SPAG6: variants seen among roughly 807,000 people sequenced by gnomAD.
SPAG6 encodes the protein sperm-associated antigen 6.
Under a neutral mutation model 58.5 loss-of-function variants are expected in SPAG6, and 49 were observed. The observed-to-expected ratio is 0.84, with a 90% CI of 0.67 to 1.06. The LOEUF (loss-of-function observed/expected upper bound fraction) is 1.06, where lower values mean the gene tolerates loss of function less well. Ranked by LOEUF, SPAG6 falls within the 50% of genes least tolerant of loss-of-function variation. SPAG6 has a pLI of 0.00. For synonymous variants in SPAG6, 233 were observed against 225.6 expected (o/e 1.03, Z -0.29); for missense variants, 560 against 611.3 (o/e 0.92, Z 0.89).
intron 4 of SPAG6, among the ~76,000 whole-genome samples, chr10:22,383,869 G>T (rs1300267970): frequency 3.9e-5 from 6 of 152,028 alleles, no homozygotes; most frequent in Non-Finnish European, 7.4e-5. Flanking sequence ...ATCTAGCCAA[G>T]TGTGCAGCAC....
intron 2 of SPAG6, chr10:22,361,111 T>A: frequency 2.6e-6 from 1 of 378,370 alleles, no homozygotes; most frequent in Non-Finnish European, 4.7e-6. Flanking sequence ...TGGGGTACTA[T>A]TTTTGACTAT....
chr10:22,381,193 C>T (rs556966456), intron 4 of SPAG6, among the ~76,000 whole-genome samples: 3 of 152,148 alleles, frequency 2.0e-5, no homozygotes, highest in Non-Finnish European at 4.4e-5. Flanking sequence ...TTTCCATACC[C>T]AGAAAGCCCC....
chr10:22,405,901 C>T (rs1268626871), intron 9 of SPAG6, among the ~76,000 whole-genome samples: 1 of 152,166 alleles, frequency 6.6e-6, no homozygotes, highest in Non-Finnish European at 1.5e-5. Context: ...TCCATTTCTT[C>T]TAGATTTTCT....
intron 4 of SPAG6, among the ~76,000 whole-genome samples, chr10:22,378,961 A>G (rs1833887140): frequency 6.6e-6 from 1 of 152,206 alleles, no homozygotes; most frequent in East Asian, 1.9e-4. Context: ...TCGCCTTTAA[A>G]GCAAATGTAT....
chr10:22,412,684 G>A (rs559700887), intron 10 of SPAG6, among the ~76,000 whole-genome samples: 2 of 152,104 alleles, frequency 1.3e-5, no homozygotes, highest in Non-Finnish European at 2.9e-5. Flanking sequence ...CTATTCTCCT[G>A]CCTCAGCCTC....
intron 4 of SPAG6, among the ~76,000 whole-genome samples, chr10:22,376,861 G>C (rs1214696765): frequency 1.3e-5 from 2 of 151,938 alleles, no homozygotes; most frequent in Non-Finnish European, 2.9e-5. Flanking sequence ...AAGGTGGGAG[G>C]ATTGCTTAAG....
intron 2 of SPAG6, among the ~76,000 whole-genome samples, chr10:22,357,925 T>TA (rs780775838): frequency 6.6e-5 from 10 of 152,144 alleles, no homozygotes; most frequent in African/African-American, 9.7e-5. Context: ...CATCATTTTT[T>TA]ATGGCTGCAT....
At chr10:22,409,774 T>A (rs1377823123) in intron 9 of SPAG6, among the ~76,000 whole-genome samples, 1 of 152,136 alleles carries the variant, frequency 6.6e-6, no homozygotes, top group East Asian at 1.9e-4. Flanking sequence ...ACCTTCCTAG[T>A]CTGGTCAGTC....
rs1173616061 is a variant in SPAG6 at position 22,407,632 on chromosome 10, C to T, written c.1315-3399C>T. On this transcript the variant is annotated intron_variant, in intron 9 of 10. Transcript: ENST00000376624. ...TTATGTGTCTTGGAGTTGCTCTTCT[C>T]GAGGAGTATCTTTGTGGCGTTCTCT... Among the ~76,000 whole-genome samples, 998 of 151,852 alleles carry T rather than the reference C, an allele frequency of 6.6e-3. 5 individuals carry two copies. The highest frequency in any genetic ancestry group is 9.1e-3 in the Non-Finnish European group (615 of 67,874).
chr10:22,364,573 C>T (rs114684064), intron 2 of SPAG6, among the ~76,000 whole-genome samples: 1,708 of 152,248 alleles, frequency 0.011, 28 homozygotes, highest in African/African-American at 0.038. Flanking sequence ...ATAATTAACC[C>T]TATCAGGTAA....
chr10:22,406,406 A>AT, intron 9 of SPAG6, among the ~76,000 whole-genome samples: 1 of 152,128 alleles, frequency 6.6e-6, no homozygotes, highest in Non-Finnish European at 1.5e-5. Flanking sequence ...TCCAGTAGTT[A>AT]TTCAGGAGCA....
intron 4 of SPAG6, among the ~76,000 whole-genome samples, chr10:22,381,654 C>A (rs1833960933): frequency 6.6e-6 from 1 of 152,020 alleles, no homozygotes. Flanking sequence ...GTCACTGGGG[C>A]ACTATTAAAG....
At chr10:22,413,882 A>C (rs1564384174) in intron 10 of SPAG6, among the ~76,000 whole-genome samples, 1 of 152,174 alleles carries the variant, frequency 6.6e-6, no homozygotes, top group Admixed American at 6.5e-5. Flanking sequence ...TCACTTGGTG[A>C]TAACTATTTT....
At position 22,345,576 on chromosome 10, in the gene SPAG6, C is replaced by T. The variant is rs1397497169; in HGVS notation, c.-36C>T. 3.3e-6 allele frequency: 5 copies of T among 1,515,294 alleles called. No individual in the cohort carries two copies. Among genetic ancestry groups the T allele is most frequent in the African/African-American group, 1.4e-5 (1 of 71,190 alleles). 93.9% of individuals were successfully genotyped at this position (1,515,294 alleles called of 1,614,324 possible). The stretch of plus-strand genomic sequence containing the variant: ...ACTCGCAGGCCGAGCGGCTTCCCCG[C>T]AGAGCTCGAGGAGGGCAGACGGCGG... On this transcript the variant is annotated 5_prime_UTR_variant, in exon 1 of 11. Coordinates refer to ENST00000376624, the MANE Select transcript of SPAG6 (RefSeq NM_012443.4). This position sits in a 1 kb window ranked among gnomAD's most constrained non-coding sequence, Gnocchi z 6.3.
chr10:22,411,942 A>G (rs933475606), intron 10 of SPAG6, among the ~76,000 whole-genome samples: 2 of 137,132 alleles, frequency 1.5e-5, no homozygotes, highest in Non-Finnish European at 3.0e-5. Flanking sequence ...TCCACCTCCC[A>G]GGTTCACGCC....
intron 2 of SPAG6, among the ~76,000 whole-genome samples, chr10:22,347,771 C>T (rs1033364149): frequency 1.1e-4 from 17 of 152,208 alleles, no homozygotes; most frequent in Non-Finnish European, 1.9e-4. Flanking sequence ...AAGATGAATA[C>T]GAAAGGAATA....
intron 4 of SPAG6, among the ~76,000 whole-genome samples, chr10:22,380,472 GT>G (rs558678664): frequency 6.6e-6 from 1 of 151,422 alleles, no homozygotes; most frequent in African/African-American, 2.4e-5. Flanking sequence ...TAATTTTTGT[GT>G]TTTTTTTGTT....
chr10:22,374,775 CAA>C (rs932175331), intron 4 of SPAG6, among the ~76,000 whole-genome samples: 3 of 136,876 alleles, frequency 2.2e-5, no homozygotes, highest in African/African-American at 2.7e-5. Flanking sequence ...GACCCTGTCT[CAA>C]AAAAAAAAAA....
Position 22,387,995 on chromosome 10 carries a change from AG to A in SPAG6, c.852+1del. 6.3e-7 allele frequency: 1 copy of A among 1,597,260 alleles called. No individual in the cohort carries two copies. Among genetic ancestry groups the A allele is most frequent in the African/African-American group, 1.4e-5 (1 of 73,778 alleles). On this transcript the variant is annotated frameshift_variant and splice_region_variant, in exon 6 of 11. Coordinates refer to ENST00000376624, the MANE Select transcript of SPAG6 (RefSeq NM_012443.4). LOFTEE classifies it high-confidence loss of function. ...AGAGAGATTGCAAAACATACACCCG[AG>A]GTGAAAAGAAACTTCAAGGCACAAT... ...LIREIAKHTP[E>X]LSQLVVNAGG... is the part of the protein sequence containing the mutation.
Sources: allele counts gnomAD v4.1 joint callset (sites outside exome capture counted in the v4.1 genomes callset), GRCh38; gene constraint gnomAD v4.1.1; non-coding constraint Gnocchi (gnomAD v3.1); transcripts MANE v1.5; gene names NCBI Gene and HGNC (gene_info 2026-07-23, HGNC 2026-07-21).